Variants in NF1 observed in about 807,000 individuals in gnomAD.
NF1 encodes the protein neurofibromin 1, also known as neurofibromin.
NF1 carries 122 observed loss-of-function variants against 325.7 expected under a neutral mutation model. That is an observed-to-expected ratio of 0.37 (90% CI 0.32 to 0.44). The LOEUF (loss-of-function observed/expected upper bound fraction) is 0.44. NF1 is among the 20% of genes least tolerant of loss of function. The probability of loss-of-function intolerance (pLI) is 1.00; values close to 1 mark genes in which losing one functional copy is unlikely to be tolerated. For missense variants in NF1, 2,140 were observed against 3,415.4 expected (o/e 0.63, Z 9.31); for synonymous variants, 1,091 against 1,186.0 (o/e 0.92, Z 1.65).
Position 31,374,203 on chromosome 17 carries a change from C to A in NF1, c.*48C>A, listed in dbSNP as rs749550221. 2 of 1,611,280 alleles carry A rather than the reference C, an allele frequency of 1.2e-6. No individual in the cohort carries two copies. The highest frequency in any genetic ancestry group is 2.7e-5 in the African/African-American group (2 of 74,846). The stretch of plus-strand genomic sequence containing the variant: ...AAATCAACTTAACATGGGCTCTTCA[C>A]TAGTGACCCCTTCCCTGTCCTTGCC... On this transcript the variant is annotated 3_prime_UTR_variant, in exon 58 of 58. Coordinates refer to ENST00000358273, the MANE Select transcript of NF1 (RefSeq NM_001042492.3).
intron 1 of NF1, among the ~76,000 whole-genome samples, chr17:31,142,424 A>G (rs1916284647): frequency 6.6e-6 from 1 of 152,164 alleles, no homozygotes; most frequent in African/African-American, 2.4e-5. Context: ...AAATACAATG[A>G]CCTCATATTT....
intron 1 of NF1, among the ~76,000 whole-genome samples, chr17:31,141,445 C>G (rs1162638296): frequency 6.6e-6 from 1 of 151,780 alleles, no homozygotes; most frequent in Non-Finnish European, 1.5e-5. Context: ...TAGTGGTGCT[C>G]TTTCTTCAGG....
intron 1 of NF1, among the ~76,000 whole-genome samples, chr17:31,150,009 A>G (rs1333433414): frequency 6.6e-6 from 1 of 152,212 alleles, no homozygotes; most frequent in African/African-American, 2.4e-5. Context: ...TCTGTCTCTC[A>G]TTGTATGTTA....
At chr17:31,253,053 C>T (rs2151456445) in intron 31 of NF1, 53 bp downstream of exon 31, 1 of 1,432,392 alleles carries the variant, frequency 7.0e-7, no homozygotes, top group South Asian at 1.2e-5. Context: ...AAACAAAAAT[C>T]TTTTGCTGTT....
intron 5 of NF1, among the ~76,000 whole-genome samples, chr17:31,174,503 T>TA (rs1269110908): frequency 1.3e-5 from 2 of 152,198 alleles, no homozygotes; most frequent in African/African-American, 4.8e-5. Context: ...AAGATGTTGA[T>TA]ATGAAAATAT....
At chr17:31,356,147 T>TTTA (rs1483469048) in intron 51 of NF1, 2 of 296,780 alleles carry the variant, frequency 6.7e-6, no homozygotes, top group Middle Eastern at 1.1e-3. Context: ...TACCATTGCA[T>TTTA]TTATTATCAG....
chr17:31,293,447 T>G (rs554475162), intron 36 of NF1, among the ~76,000 whole-genome samples: 2 of 152,244 alleles, frequency 1.3e-5, no homozygotes, highest in Non-Finnish European at 2.9e-5. Flanking sequence ...CCTGACACAG[T>G]GAGCCAATCA....
intron 1 of NF1, among the ~76,000 whole-genome samples, chr17:31,102,167 C>G (rs1326407068): frequency 1.3e-5 from 2 of 152,152 alleles, no homozygotes; most frequent in Non-Finnish European, 2.9e-5. Flanking sequence ...ATTTATATTT[C>G]CTCCCATAGA....
intron 4 of NF1, among the ~76,000 whole-genome samples, chr17:31,164,406 A>C (rs903216803): frequency 6.6e-6 from 1 of 152,230 alleles, no homozygotes; most frequent in Non-Finnish European, 1.5e-5. Flanking sequence ...AGTAGCTGCA[A>C]ATTGTTGTTA....
intron 31 of NF1, chr17:31,253,241 G>A (rs1039347368): frequency 8.5e-6 from 4 of 472,172 alleles, no homozygotes; most frequent in African/African-American, 7.8e-5. Flanking sequence ...TGTTGCATTG[G>A]ATATCCTTGG....
intron 8 of NF1, among the ~76,000 whole-genome samples, chr17:31,192,361 T>C (rs1435900329): frequency 6.6e-6 from 1 of 152,186 alleles, no homozygotes; most frequent in Non-Finnish European, 1.5e-5. Flanking sequence ...ATTTAAGAAA[T>C]ACATTGGTTT....
chr17:31,188,909 A>G (rs2066289354), intron 8 of NF1, among the ~76,000 whole-genome samples: 1 of 152,194 alleles, frequency 6.6e-6, no homozygotes. Context: ...CACCCTGCAG[A>G]CAGCCTATTG....
At chr17:31,265,176 A>G (rs537011289) in intron 35 of NF1, 53 bp from the exon 36 acceptor site, 25 of 1,207,270 alleles carry the variant, frequency 2.1e-5, no homozygotes, top group Admixed American at 1.8e-4. Flanking sequence ...ACTTTTTTAC[A>G]TACTCAGTAG....
At chr17:31,269,734 C>T (rs932291126) in intron 36 of NF1, among the ~76,000 whole-genome samples, 1 of 152,186 alleles carries the variant, frequency 6.6e-6, no homozygotes, top group African/African-American at 2.4e-5. Flanking sequence ...TTTGTGTTCT[C>T]CCAGCTTAAC....
intron 1 of NF1, among the ~76,000 whole-genome samples, chr17:31,151,182 TG>T (rs1267966540): frequency 6.6e-6 from 1 of 152,158 alleles, no homozygotes; most frequent in Non-Finnish European, 1.5e-5. Context: ...ACAAACACCA[TG>T]TGTTCAAGTT....
At chr17:31,322,874 C>T (rs1411041444) in intron 36 of NF1, among the ~76,000 whole-genome samples, 1 of 152,026 alleles carries the variant, frequency 6.6e-6, no homozygotes, top group African/African-American at 2.4e-5. Context: ...TTCTTTTTCC[C>T]TGTTTTTACT....
At chr17:31,230,985 A>G (rs1468457382) in intron 24 of NF1, 60 bp downstream of exon 24, 1 of 1,238,324 alleles carries the variant, frequency 8.1e-7, no homozygotes. Context: ...ATAACTACTT[A>G]ATTACAGCTT....
chr17:31,112,309 T>G (rs1354946776), intron 1 of NF1, among the ~76,000 whole-genome samples: 3 of 152,204 alleles, frequency 2.0e-5, no homozygotes, highest in Non-Finnish European at 2.9e-5. Flanking sequence ...GTGGATCATA[T>G]GGTGGATGTA....
At position 31,376,983 on chromosome 17, in the gene NF1, T is replaced by C. The variant is rs1597884892; in HGVS notation, c.*2828T>C. 1 of 233,270 alleles carries C rather than the reference T, an allele frequency of 4.3e-6. No individual in the cohort carries two copies. Among genetic ancestry groups the C allele is most frequent in the Non-Finnish European group, 8.5e-6 (1 of 118,100 alleles). 14.5% of individuals were successfully genotyped at this position (233,270 alleles called of 1,614,324 possible). On this transcript the variant is annotated 3_prime_UTR_variant, in exon 58 of 58. Coordinates refer to ENST00000358273, the MANE Select transcript of NF1 (RefSeq NM_001042492.3). ...AGTCAGCTTCTATCCTGTGTCCTAG[T>C]TGGGGAGACAGAGTGCCAGCCAGCA...
Sources: allele counts gnomAD v4.1 joint callset (sites outside exome capture counted in the v4.1 genomes callset), GRCh38; gene constraint gnomAD v4.1.1; transcripts MANE v1.5; gene names NCBI Gene and HGNC (gene_info 2026-07-23, HGNC 2026-07-21).